MLXIPL: variants seen among roughly 807,000 people sequenced by gnomAD.
MLXIPL encodes MLX interacting protein like.
A neutral mutation model predicts 81.5 loss-of-function variants in MLXIPL; 49 were observed. That is an observed-to-expected ratio of 0.60 (90% CI 0.48 to 0.76). MLXIPL has a LOEUF of 0.76. MLXIPL is among the 30% of genes least tolerant of loss of function. MLXIPL has a pLI of 0.00. For missense variants in MLXIPL, 1,053 were observed against 1,167.0 expected, an observed-to-expected ratio of 0.90 and a Z score of 1.42; for synonymous variants, 466 against 485.5, an observed-to-expected ratio of 0.96 and a Z score of 0.53.
the MLXIPL span, among the ~76,000 whole-genome samples, chr7:73,638,975 A>C: frequency 6.6e-6 from 1 of 151,960 alleles, no homozygotes; most frequent in Non-Finnish European, 1.5e-5. Flanking sequence ...TTAAGTAGAG[A>C]GGAGAAAAAA....
chr7:73,644,473 G>A, the MLXIPL span, among the ~76,000 whole-genome samples: 1 of 152,130 alleles, frequency 6.6e-6, no homozygotes, highest in Non-Finnish European at 1.5e-5. Flanking sequence ...GCCTCCCAAA[G>A]TGTTAAAATT....
Position 73,594,266 on chromosome 7 carries a change from T to C in MLXIPL, c.2440+8A>G, listed in dbSNP as rs1554592870. 6.2e-7 allele frequency: 1 copy of C among 1,611,786 alleles called. No homozygotes were observed. Among genetic ancestry groups the C allele is most frequent in the South Asian group, 1.1e-5 (1 of 91,078 alleles). On this transcript the variant is annotated splice_region_variant and intron_variant, in intron 16 of 16. Transcript: ENST00000313375. ...TCCCTCTAGCAGGCAGGGAGATGGC[T>C]CACGTACTTGGCCGGAGAGCGGGCA...
At chr7:73,616,857 A>G (rs1484529838) in intron 1 of MLXIPL, among the ~76,000 whole-genome samples, 2 of 151,680 alleles carry the variant, frequency 1.3e-5, no homozygotes, top group East Asian at 1.9e-4. Flanking sequence ...TCAAAAAAAA[A>G]AAAAAAAAAA....
rs1554593611 is a variant in MLXIPL, at chr7:73,596,015, C to A, written c.2059-46G>T. 1.2e-6 allele frequency: 2 copies of A among 1,608,986 alleles called. No individual in the cohort carries two copies. Among genetic ancestry groups the A allele is most frequent in the Non-Finnish European group, 1.7e-6 (2 of 1,179,418 alleles). Reference sequence around the variant, plus strand: ...GCTCAGGCAGGTGCTAGAGGCTGTACCCTGGGACCCACTGAGGCACTGGGA... The same window carrying A: ...GCTCAGGCAGGTGCTAGAGGCTGTAACCTGGGACCCACTGAGGCACTGGGA... On this transcript the variant is annotated intron_variant, in intron 13 of 16. Transcript: ENST00000313375. The surrounding 1 kb of genome is among the most constrained non-coding windows in gnomAD (Gnocchi z 4.7).
intron 2 of MLXIPL, among the ~76,000 whole-genome samples, chr7:73,614,849 C>T (rs1284135992): frequency 3.5e-5 from 5 of 143,350 alleles, no homozygotes; most frequent in African/African-American, 1.3e-4. Flanking sequence ...CTCGCCCTGT[C>T]GCCCAGGCTG....
At chr7:73,615,959 G>C (rs915992394) in intron 2 of MLXIPL, 112 bp downstream of exon 2, 5 of 799,426 alleles carry the variant, frequency 6.3e-6, no homozygotes, top group Non-Finnish European at 1.1e-5. Flanking sequence ...TGCTAGTGCT[G>C]GCCTTGAGGA....
chr7:73,602,105 TG>T lies in MLXIPL; in HGVS notation c.902-2411del, dbSNP rs2116288119. ...CTGCCTGCCTGCCTGCCTTCCTGCC[TG>T]CCTGCCTGCCTGCCTGCCTGCCTGC... On this transcript the variant is annotated intron_variant, in intron 7 of 16. Transcript: ENST00000313375. Among the ~76,000 whole-genome samples, 3 of 136,692 alleles carry T rather than the reference TG, an allele frequency of 2.2e-5. 1 individual carries two copies. The Admixed American group carries it at 2.3e-4, about 10-fold the overall frequency. The allele number at this position is 136,692 out of a possible 152,430, so 89.7% of individuals were successfully genotyped here. A position where few individuals can be genotyped will look rare whatever the true frequency, so the allele number is the denominator to read the frequency against.
At chr7:73,625,038 T>A (rs982586520), upstream of MLXIPL, among the ~76,000 whole-genome samples, 1 of 151,880 alleles carries the variant, frequency 6.6e-6, no homozygotes, top group East Asian at 1.9e-4. Context: ...ACAAAAATTA[T>A]CCAGGCATGG....
chr7:73,599,960 G>A (rs1025808636), intron 7 of MLXIPL, among the ~76,000 whole-genome samples: 1 of 152,028 alleles, frequency 6.6e-6, no homozygotes, highest in Non-Finnish European at 1.5e-5. Context: ...CCAGGAAGGA[G>A]CCCCCTCCCC....
chr7:73,600,013 C>T (rs948018914), intron 7 of MLXIPL, among the ~76,000 whole-genome samples: 1 of 152,022 alleles, frequency 6.6e-6, no homozygotes, highest in Non-Finnish European at 1.5e-5. Flanking sequence ...CCTCCCCACC[C>T]CCTGGTGGCT....
At chr7:73,594,220 C>T in intron 16 of MLXIPL, 54 bp downstream of exon 16, 3 of 1,606,798 alleles carry the variant, frequency 1.9e-6, no homozygotes, top group Non-Finnish European at 2.5e-6. Context: ...GTGGAATGCT[C>T]CCTCCACCCC....
intron 5 of MLXIPL, chr7:73,606,770 C>T (rs1554598280): frequency 1.6e-6 from 1 of 610,620 alleles, no homozygotes; most frequent in African/African-American, 1.8e-5. Flanking sequence ...GCTCAATGAC[C>T]TGGGGTCTTC....
At chr7:73,642,204 T>A in the MLXIPL span, among the ~76,000 whole-genome samples, 1 of 152,140 alleles carries the variant, frequency 6.6e-6, no homozygotes, top group African/African-American at 2.4e-5. Context: ...ATGGAAGAGA[T>A]GCATGGGCTA....
chr7:73,619,807 G>GC (rs1796225531), intron 1 of MLXIPL, among the ~76,000 whole-genome samples: 1 of 151,602 alleles, frequency 6.6e-6, no homozygotes, highest in South Asian at 2.1e-4. Context: ...GCAGGTGCCT[G>GC]TGGTCCCAGC....
Position 73,607,232 on chromosome 7 carries a change from G to A in MLXIPL, c.573+99C>T, listed in dbSNP as rs1376831856. The A allele has an allele frequency of 9.6e-6, 13 of 1,353,774 alleles. No individual in the cohort carries two copies. The African/African-American group carries it at 1.4e-4, about 15-fold the overall frequency. 83.9% of individuals were successfully genotyped at this position (1,353,774 alleles called of 1,614,324 possible). The stretch of plus-strand genomic sequence containing the variant: ...TGGAGGGCCCGAGGGGCGCAAGCTC[G>A]GGGGTCAGGATCCCCTTTCCAGGGA... On this transcript the variant is annotated intron_variant, in intron 4 of 16. Transcript: ENST00000313375.
In MLXIPL at chr7:73,624,463, C is replaced by G. The variant is rs1157894212; in HGVS notation, c.30G>C (p.Ala10=). The change falls in exon 1 of 17, where the codon GCG becomes GCC. Residue 10 remains alanine, a synonymous_variant. Transcript: ENST00000313375. MAGALAGLA[A]GLQVPRVAPS... ...GCGCGACCCGCGGGACCTGCAAGCC[C>G]GCGGCCAGACCTGCCAGCGCGCCGG... 3.9e-6 allele frequency: 6 copies of G among 1,544,338 alleles called. No individual in the cohort carries two copies. The highest frequency in any genetic ancestry group is 5.2e-6 in the Non-Finnish European group (6 of 1,153,036).
rs377247382 is a variant in MLXIPL, at chr7:73,595,978, G to A, written c.2059-9C>T. The A allele has an allele frequency of 6.4e-5, 103 of 1,612,066 alleles. No homozygotes were observed. Among genetic ancestry groups the A allele is most frequent in the East Asian group, 4.7e-4 (21 of 44,882 alleles). On this transcript the variant is annotated splice_polypyrimidine_tract_variant and intron_variant, in intron 13 of 16. Coordinates refer to ENST00000313375, the MANE Select transcript of MLXIPL (RefSeq NM_032951.3). ...GTGGTAGCTTTGCTCACCTGCAGAC[G>A]CCACCAGGGGGGCTCAGGCAGGTGC...
At chr7:73,603,375 G>C (rs1230115056) in intron 7 of MLXIPL, among the ~76,000 whole-genome samples, 1 of 152,200 alleles carries the variant, frequency 6.6e-6, no homozygotes, top group South Asian at 2.1e-4. Flanking sequence ...GACCCCAGGT[G>C]GGGGTGGCTG....
rs781990981 is a variant in MLXIPL at position 73,596,262 on chromosome 7, C to T, written c.1949G>A (p.Arg650Gln). ...CTCCGCGGAGATGTGTGTGATACGC[C>T]GGTTCTCGGTCTCGGGGAGCAGAGA... ...GRPDSNKTENRRITHISAEQK... is the reference protein window; with the variant it reads ...GRPDSNKTENQRITHISAEQK... Residue 650 changes from arginine to glutamine, a missense_variant, in exon 13 of 17, where the codon CGG becomes CAG. Coordinates refer to ENST00000313375, the MANE Select transcript of MLXIPL (RefSeq NM_032951.3). The surrounding 1 kb of genome is among the most constrained non-coding windows in gnomAD (Gnocchi z 4.7). The T allele has an allele frequency of 6.2e-6, 10 of 1,605,978 alleles. No individual in the cohort carries two copies. The highest frequency in any genetic ancestry group is 2.2e-5 in the East Asian group (1 of 44,602).
Sources: gnomAD v4.1 joint callset for allele counts (sites outside exome capture counted in the v4.1 genomes callset) on GRCh38, gnomAD v4.1.1 for gene constraint, Gnocchi (gnomAD v3.1) non-coding constraint, MANE v1.5 for transcripts, NCBI Gene and HGNC (gene_info 2026-07-23, HGNC 2026-07-21) for gene names.